CCDC150: variants seen among roughly 807,000 people sequenced by gnomAD.
CCDC150 encodes coiled-coil domain containing 150, also known as coiled-coil domain-containing protein 150.
In CCDC150, 151 loss-of-function variants were observed where a neutral mutation model predicts 156.5. The ratio of observed to expected loss-of-function variants is 0.97; its 90% CI spans 0.85 to 1.10. CCDC150 has a LOEUF of 1.10. Among genes scored for constraint, CCDC150 ranks in the 50% least tolerant of loss-of-function variants. The pLI is 0.00. For synonymous variants in CCDC150, 452 were observed against 429.4 expected, an observed-to-expected ratio of 1.05 and a Z score of -0.65; for missense variants, 1,312 against 1,268.1, an observed-to-expected ratio of 1.03 and a Z score of -0.53.
chr2:196,731,518 G>A (rs1698522927), intron 26 of CCDC150, among the ~76,000 whole-genome samples: 1 of 150,764 alleles, frequency 6.6e-6, no homozygotes, highest in Non-Finnish European at 1.5e-5. Context: ...AGCCTCCCAA[G>A]TAGCCAAGTA....
At chr2:196,676,062 T>A in intron 10 of CCDC150, 81 bp from the exon 11 acceptor site, 1 of 1,373,570 alleles carries the variant, frequency 7.3e-7, no homozygotes, top group East Asian at 2.3e-5. Flanking sequence ...TAGTTCAGTG[T>A]TTTTGATCAG....
chr2:196,655,117 C>T (rs944505246), intron 2 of CCDC150, among the ~76,000 whole-genome samples: 5 of 152,298 alleles, frequency 3.3e-5, no homozygotes, highest in South Asian at 2.1e-4. Context: ...TCCCTTACTG[C>T]GCTAAAGCAG....
intron 15 of CCDC150, among the ~76,000 whole-genome samples, chr2:196,710,762 T>G (rs1431072765): frequency 6.6e-6 from 1 of 152,222 alleles, no homozygotes; most frequent in African/African-American, 2.4e-5. Context: ...TATAAAGTTA[T>G]TTTTTAAAGA....
At chr2:196,669,352 C>G (rs1056377631) in intron 7 of CCDC150, among the ~76,000 whole-genome samples, 5 of 152,156 alleles carry the variant, frequency 3.3e-5, no homozygotes, top group Non-Finnish European at 7.3e-5. Context: ...CAGATGTTCT[C>G]CTTGTCTCAT....
At chr2:196,676,796 T>A in intron 12 of CCDC150, 65 bp downstream of exon 12, 2 of 1,366,708 alleles carry the variant, frequency 1.5e-6, no homozygotes, top group Non-Finnish European at 1.0e-6. Flanking sequence ...AATTGCATTC[T>A]AAATGCAAAA....
chr2:196,681,862 C>T (rs1377126754), intron 13 of CCDC150, among the ~76,000 whole-genome samples: 1 of 152,054 alleles, frequency 6.6e-6, no homozygotes, highest in Non-Finnish European at 1.5e-5. Context: ...TTAGATACTA[C>T]AACCTTATCA....
At chr2:196,662,091 A>G (rs1038803841) in intron 5 of CCDC150, among the ~76,000 whole-genome samples, 3 of 152,214 alleles carry the variant, frequency 2.0e-5, no homozygotes, top group Admixed American at 6.5e-5. Context: ...TATAAAGTTT[A>G]GGAAAGTATA....
intron 13 of CCDC150, among the ~76,000 whole-genome samples, chr2:196,680,772 T>C (rs1694771308): frequency 6.6e-6 from 1 of 152,230 alleles, no homozygotes; most frequent in Non-Finnish European, 1.5e-5. Flanking sequence ...GATTACTCCA[T>C]GTTTATCATT....
intron 16 of CCDC150, 148 bp from the exon 17 acceptor site, chr2:196,712,529 T>C (rs1697197821): frequency 1.6e-6 from 1 of 622,802 alleles, no homozygotes; most frequent in Non-Finnish European, 2.9e-6. Context: ...TAGAAAGTTA[T>C]GCTTTTCAGA....
intron 15 of CCDC150, among the ~76,000 whole-genome samples, chr2:196,702,343 C>CTGTGTATG (rs1553562649): frequency 8.4e-5 from 12 of 143,682 alleles, no homozygotes; most frequent in Non-Finnish European, 1.7e-4. Flanking sequence ...GACTGAAGTG[C>CTGTGTATG]TGTGTGTGTG....
intron 15 of CCDC150, among the ~76,000 whole-genome samples, chr2:196,702,343 C>CTCTGTGTGTG (rs142900103): frequency 7.7e-5 from 11 of 143,680 alleles, no homozygotes; most frequent in African/African-American, 2.8e-4. Context: ...GACTGAAGTG[C>CTCTGTGTGTG]TGTGTGTGTG....
intron 21 of CCDC150, among the ~76,000 whole-genome samples, chr2:196,725,370 T>G (rs993430244): frequency 6.6e-6 from 1 of 152,110 alleles, no homozygotes; most frequent in African/African-American, 2.4e-5. Flanking sequence ...CTACACTCCC[T>G]CACACACACA....
intron 13 of CCDC150, among the ~76,000 whole-genome samples, chr2:196,680,199 A>G (rs951491879): frequency 6.6e-6 from 1 of 152,118 alleles, no homozygotes; most frequent in African/African-American, 2.4e-5. Context: ...CACAATTTTC[A>G]TTTTTGTTGT....
chr2:196,663,285 AC>A (rs1294675177), intron 5 of CCDC150, among the ~76,000 whole-genome samples: 3 of 152,204 alleles, frequency 2.0e-5, no homozygotes, highest in South Asian at 2.1e-4. Flanking sequence ...TGCCCAAAAA[AC>A]AATGGACAAA....
intron 13 of CCDC150, among the ~76,000 whole-genome samples, chr2:196,693,699 G>A (rs997109519): frequency 6.6e-6 from 1 of 152,146 alleles, no homozygotes; most frequent in Non-Finnish European, 1.5e-5. Flanking sequence ...AGCGGTGAAA[G>A]TGGATACCTT....
At chr2:196,732,232 AT>A in intron 27 of CCDC150, 80 bp downstream of exon 27, 2 of 1,453,470 alleles carry the variant, frequency 1.4e-6, no homozygotes, top group Admixed American at 1.8e-5. Context: ...TTCTCTCATC[AT>A]CTCGATACTC....
intron 6 of CCDC150, 150 bp downstream of exon 6, chr2:196,665,833 G>GT (rs955036767): frequency 2.6e-4 from 129 of 493,926 alleles, no homozygotes; most frequent in African/African-American, 6.8e-4. Flanking sequence ...TCTTACTACA[G>GT]TTTTTTTTAA....
chr2:196,681,222 G>A (rs1192125069), intron 13 of CCDC150, among the ~76,000 whole-genome samples: 1 of 151,970 alleles, frequency 6.6e-6, no homozygotes, highest in Non-Finnish European at 1.5e-5. Flanking sequence ...TTGATTTTTT[G>A]TGTGTGGCTT....
intron 5 of CCDC150, among the ~76,000 whole-genome samples, chr2:196,659,907 T>C (rs1693457981): frequency 6.6e-6 from 1 of 152,184 alleles, no homozygotes; most frequent in African/African-American, 2.4e-5. Context: ...CATAATGCCA[T>C]GTATTTATCA....
Sources: gnomAD v4.1 joint callset for allele counts (sites outside exome capture counted in the v4.1 genomes callset) on GRCh38, gnomAD v4.1.1 for gene constraint, MANE v1.5 for transcripts, NCBI Gene and HGNC (gene_info 2026-07-23, HGNC 2026-07-21) for gene names.